CA5A: variants seen among roughly 807,000 people sequenced by gnomAD.
CA5A encodes the protein carbonic anhydrase 5A, also known as carbonic anhydrase 5A, mitochondrial.
A neutral mutation model predicts 37.1 loss-of-function variants in CA5A; 28 were observed. The ratio of observed to expected loss-of-function variants is 0.75; its 90% CI spans 0.56 to 1.03. The LOEUF (loss-of-function observed/expected upper bound fraction) is 1.03, where lower values mean the gene tolerates loss of function less well. CA5A is among the 50% of genes least tolerant of loss of function. The probability of loss-of-function intolerance (pLI) is 0.00; values close to 1 mark genes in which losing one functional copy is unlikely to be tolerated. For synonymous variants in CA5A, 171 were observed against 158.4 expected (o/e 1.08, Z -0.60); for missense variants, 444 against 399.9 (o/e 1.11, Z -0.94).
intron 2 of CA5A, among the ~76,000 whole-genome samples, chr16:87,921,012 C>T (rs191172252): frequency 8.0e-4 from 121 of 151,548 alleles, no homozygotes; most frequent in African/African-American, 2.7e-3. Flanking sequence ...AGGCTGGTCT[C>T]GAACTCCTGA....
chr16:87,896,630 A>G (rs566036427), intron 5 of CA5A, among the ~76,000 whole-genome samples: 4 of 152,148 alleles, frequency 2.6e-5, no homozygotes, highest in African/African-American at 7.2e-5. Context: ...GACTTGTTCC[A>G]CTTTTCTTTT....
Position 87,929,821 on chromosome 16 carries a change from G to A in CA5A, c.143-2876C>T, listed in dbSNP as rs547692497. On this transcript the variant is annotated intron_variant, in intron 1 of 6. Transcript: ENST00000649794. ...CGGGAGGCGGAGCTTGCAGTGAGCC[G>A]AGATCGCGCCACCGCACTCCAGCCT... is the stretch of plus-strand genomic sequence containing the variant. Among the ~76,000 whole-genome samples the A allele has an allele frequency of 3.1e-3, 388 of 124,298 alleles. 4 individuals are homozygous for A. Among genetic ancestry groups the A allele is most frequent in the African/African-American group, 0.011 (345 of 32,092 alleles). 81.5% of individuals were successfully genotyped at this position (124,298 alleles called of 152,430 possible). A position where few individuals can be genotyped will look rare whatever the true frequency, so the allele number is the denominator to read the frequency against.
chr16:87,933,357 CT>C (rs1382495151), intron 1 of CA5A, among the ~76,000 whole-genome samples: 1 of 152,162 alleles, frequency 6.6e-6, no homozygotes, highest in Non-Finnish European at 1.5e-5. Context: ...TGAAACATGA[CT>C]AGAAAACATT....
chr16:87,900,757 C>T (rs913695685), intron 5 of CA5A, among the ~76,000 whole-genome samples: 3 of 152,228 alleles, frequency 2.0e-5, no homozygotes, highest in African/African-American at 7.2e-5. Context: ...GGCTTGGGGT[C>T]GGACAGGGAC....
chr16:87,912,646 C>T (rs2056067554), intron 2 of CA5A, among the ~76,000 whole-genome samples: 2 of 152,192 alleles, frequency 1.3e-5, no homozygotes, highest in Admixed American at 6.5e-5. Flanking sequence ...GAGGGGCAGA[C>T]GGTGGTAGAG....
At chr16:87,900,801 A>G (rs2055867567) in intron 5 of CA5A, among the ~76,000 whole-genome samples, 1 of 152,268 alleles carries the variant, frequency 6.6e-6, no homozygotes, top group African/African-American at 2.4e-5. Flanking sequence ...ACATGAGTCA[A>G]CATTCTTAAA....
chr16:87,892,593 C>A (rs1427410181), intron 5 of CA5A, among the ~76,000 whole-genome samples: 1 of 148,100 alleles, frequency 6.8e-6, no homozygotes, highest in East Asian at 2.0e-4. Context: ...AAAGCCATTT[C>A]TTTTAGCATA....
At chr16:87,881,617 T>C (rs1175271036) in exon 5 of CA5A, 6 of 152,212 alleles carry the variant, frequency 3.9e-5, no homozygotes, top group Non-Finnish European at 8.8e-5. Context: ...GCCTTGAACC[T>C]TAAAAGCTGG....
At chr16:87,892,000 T>G (rs1394399605) in intron 5 of CA5A, 46 bp from the exon 6 acceptor site, 1 of 1,469,720 alleles carries the variant, frequency 6.8e-7, no homozygotes, top group Non-Finnish European at 9.0e-7. Context: ...CAGGGGAGAC[T>G]AGGAGCTTCC....
At position 87,904,919 on chromosome 16, in the gene CA5A, AGTGAGAC is replaced by A; in HGVS notation, c.341-22_341-16del. ...ACCACTAATTCCTGGAAATAAAGGCAGTGAGACGTGTGTGTCATTTTGTCTGTTTGTT... is the reference window on the plus strand; with the variant it reads ...ACCACTAATTCCTGGAAATAAAGGCAGTGTGTGTCATTTTGTCTGTTTGTT... On this transcript the variant is annotated splice_polypyrimidine_tract_variant and intron_variant, in intron 2 of 6. Coordinates refer to ENST00000649794, the MANE Select transcript of CA5A (RefSeq NM_001739.2). 1 of 1,512,986 alleles carries A rather than the reference AGTGAGAC, an allele frequency of 6.6e-7. No homozygotes were observed. The highest frequency in any genetic ancestry group is 9.2e-7 in the Non-Finnish European group (1 of 1,087,666). 93.7% of individuals were successfully genotyped at this position (1,512,986 alleles called of 1,614,324 possible). A position where few individuals can be genotyped will look rare whatever the true frequency, so the allele number is the denominator to read the frequency against.
At chr16:87,927,063 AC>A in intron 1 of CA5A, 118 bp from the exon 2 acceptor site, 1 of 736,932 alleles carries the variant, frequency 1.4e-6, no homozygotes, top group Non-Finnish European at 2.2e-6. Context: ...TGGGAAACTG[AC>A]CCACGGGAAA....
At chr16:87,917,267 G>A (rs2056159317) in intron 2 of CA5A, among the ~76,000 whole-genome samples, 1 of 152,126 alleles carries the variant, frequency 6.6e-6, no homozygotes, top group Non-Finnish European at 1.5e-5. Context: ...AAACCATGCT[G>A]GACCAATCAG....
At chr16:87,917,586 G>A (rs552689574) in intron 2 of CA5A, among the ~76,000 whole-genome samples, 6 of 152,164 alleles carry the variant, frequency 3.9e-5, no homozygotes, top group East Asian at 1.9e-4. Context: ...GGAAACACAC[G>A]TGTGCACACA....
In CA5A at chr16:87,888,041, A is replaced by C; in HGVS notation, c.*88T>G. The C allele has an allele frequency of 6.7e-7, 1 of 1,492,874 alleles. No individual in the cohort carries two copies. The highest frequency in any genetic ancestry group is 9.0e-7 in the Non-Finnish European group (1 of 1,116,734). The allele number at this position is 1,492,874 out of a possible 1,614,324, so 92.5% of individuals were successfully genotyped here. On this transcript the variant is annotated 3_prime_UTR_variant, in exon 7 of 7. Transcript: ENST00000649794. ...CCTCATGCTCTCTTTTTAATTTCAG[A>C]AGTCATGTACAATCACATTGTGAAA...
At chr16:87,929,322 C>T (rs991873745) in intron 1 of CA5A, among the ~76,000 whole-genome samples, 4 of 150,468 alleles carry the variant, frequency 2.7e-5, no homozygotes, top group East Asian at 4.1e-4. Flanking sequence ...CGTGGTGGCT[C>T]ATGCCTGTAA....
At chr16:87,898,518 G>T (rs560947560) in intron 5 of CA5A, among the ~76,000 whole-genome samples, 3 of 152,174 alleles carry the variant, frequency 2.0e-5, no homozygotes, top group African/African-American at 7.2e-5. Context: ...CTGACAGAAA[G>T]CACCCGCAGC....
At chr16:87,883,504 G>A (rs560229038), downstream of CA5A, 147 of 150,980 alleles carry the variant, frequency 9.7e-4, no homozygotes, top group South Asian at 1.5e-3. Context: ...CTAGTTTTTT[G>A]TATTTTTAGT....
chr16:87,909,176 C>G lies in CA5A; in HGVS notation c.341-4272G>C, dbSNP rs556131826. Among the ~76,000 whole-genome samples, 975 of 152,134 alleles carry G rather than the reference C, an allele frequency of 6.4e-3. 3 individuals are homozygous for G. The highest frequency in any genetic ancestry group is 0.012 in the Admixed American group (190 of 15,246). Reference sequence around the variant, plus strand: ...CAGCAGCCTCTGATGGGCCGGATCCCCCGCCTCTCTACTCACTGGAGTAAG... The same window carrying G: ...CAGCAGCCTCTGATGGGCCGGATCCGCCGCCTCTCTACTCACTGGAGTAAG... On this transcript the variant is annotated intron_variant, in intron 2 of 6. Coordinates refer to ENST00000649794, the MANE Select transcript of CA5A (RefSeq NM_001739.2).
In CA5A at chr16:87,902,532, T is replaced by A. The variant is rs374619975; in HGVS notation, c.460-12A>T. The A allele has an allele frequency of 1.5e-6, 2 of 1,366,592 alleles. No homozygotes were observed. Among genetic ancestry groups the A allele is most frequent in the African/African-American group, 2.8e-5 (2 of 70,238 alleles). The allele number at this position is 1,366,592 out of a possible 1,614,324, so 84.7% of individuals were successfully genotyped here. A position where few individuals can be genotyped will look rare whatever the true frequency, so the allele number is the denominator to read the frequency against. ...TGAACTAAATGCAGCTGAAACACAA[T>A]GGAAAGAGAACTTAAATTGATCAGC... is the stretch of plus-strand genomic sequence containing the variant. On this transcript the variant is annotated splice_polypyrimidine_tract_variant and intron_variant, in intron 3 of 6. Transcript: ENST00000649794.
Sources: gnomAD v4.1 joint callset for allele counts (sites outside exome capture counted in the v4.1 genomes callset) on GRCh38, gnomAD v4.1.1 for gene constraint, MANE v1.5 for transcripts, NCBI Gene and HGNC (gene_info 2026-07-23, HGNC 2026-07-21) for gene names.